Variants in UTRN observed in about 807,000 individuals in gnomAD.
UTRN encodes utrophin.
Under a neutral mutation model 463.9 loss-of-function variants are expected in UTRN, and 283 were observed. That is an observed-to-expected ratio of 0.61 (90% CI 0.55 to 0.67). The LOEUF (loss-of-function observed/expected upper bound fraction) is 0.67, where lower values mean the gene tolerates loss of function less well. Among genes scored for constraint, UTRN ranks in the 30% least tolerant of loss-of-function variants. UTRN has a pLI of 0.00. For missense variants in UTRN, 3,922 were observed against 4,084.3 expected, an observed-to-expected ratio of 0.96 and a Z score of 1.08; for synonymous variants, 1,442 against 1,431.5, an observed-to-expected ratio of 1.01 and a Z score of -0.17.
intron 1 of UTRN, among the ~76,000 whole-genome samples, chr6:144,288,804 C>T (rs1803935715): frequency 1.4e-5 from 2 of 143,980 alleles, no homozygotes; most frequent in Admixed American, 7.2e-5. Context: ...ACTCGGTCGT[C>T]AAGGCTGGAG....
intron 50 of UTRN, among the ~76,000 whole-genome samples, chr6:144,570,414 G>GA (rs1265094373): frequency 2.2e-4 from 33 of 152,172 alleles, no homozygotes; most frequent in Non-Finnish European, 4.4e-5. Flanking sequence ...TCAGATGATG[G>GA]AAAACCTGTG....
At chr6:144,578,354 TTTG>T (rs541379138) in intron 51 of UTRN, among the ~76,000 whole-genome samples, 29 of 152,184 alleles carry the variant, frequency 1.9e-4, no homozygotes, top group Middle Eastern at 3.4e-3. Flanking sequence ...TCCATTGTCT[TTTG>T]TTGTTGTTGT....
intron 28 of UTRN, among the ~76,000 whole-genome samples, chr6:144,486,067 T>C (rs4895644): frequency 1 from 151,750 of 152,348 alleles, 75,578 homozygotes; most frequent in Middle Eastern, 1. Context: ...GTGTAGCACA[T>C]GTTAACTTAA....
chr6:144,444,180 A>G (rs1787437087), intron 13 of UTRN, 101 bp from the exon 14 acceptor site: 1 of 926,108 alleles, frequency 1.1e-6, no homozygotes, highest in Non-Finnish European at 1.6e-6. Context: ...ATAAGTTGTT[A>G]TTCTATAATA....
chr6:144,490,075 T>C lies in UTRN; in HGVS notation c.4139T>C (p.Ile1380Thr). The C allele has an allele frequency of 1.2e-6, 2 of 1,607,214 alleles. No homozygotes were observed. Among genetic ancestry groups the C allele is most frequent in the Non-Finnish European group, 1.7e-6 (2 of 1,177,990 alleles). Residue 1380 changes from isoleucine to threonine, a missense_variant, in exon 31 of 75, where the codon ATC (isoleucine) becomes ACC (threonine). Transcript: ENST00000367545. ...CCCTTTCCAATCTCTTTTTAGAAAA[T>C]CCAAGCAGAGATCTCAGCCCATGAG... The part of the protein sequence containing the change: ...AFQVPQEAQK[I>T]QAEISAHELT...
At chr6:144,501,701 G>T (rs1049567182) in intron 34 of UTRN, among the ~76,000 whole-genome samples, 7 of 151,832 alleles carry the variant, frequency 4.6e-5, no homozygotes, top group Admixed American at 4.6e-4. Flanking sequence ...TAACGCTATG[G>T]TGAATATATT....
intron 29 of UTRN, 105 bp downstream of exon 29, chr6:144,487,802 G>T: frequency 8.7e-7 from 1 of 1,153,596 alleles, no homozygotes; most frequent in Non-Finnish European, 1.2e-6. Flanking sequence ...CTTTAATGTT[G>T]GTTAAAGTTG....
chr6:144,826,954 A>T (rs1430574466), intron 66 of UTRN, among the ~76,000 whole-genome samples: 1 of 152,146 alleles, frequency 6.6e-6, no homozygotes, highest in Admixed American at 6.6e-5. Flanking sequence ...TCATCTTTCT[A>T]ACCAAGTTTC....
chr6:144,742,019 G>A (rs1455807052), intron 54 of UTRN, among the ~76,000 whole-genome samples: 6 of 151,802 alleles, frequency 4.0e-5, no homozygotes, highest in Non-Finnish European at 8.8e-5. Flanking sequence ...TTTGTGGAAG[G>A]TAGTCCCTAA....
At chr6:144,663,538 G>C (rs1780093199) in intron 51 of UTRN, among the ~76,000 whole-genome samples, 1 of 152,166 alleles carries the variant, frequency 6.6e-6, no homozygotes, top group Non-Finnish European at 1.5e-5. Flanking sequence ...ACAGAGGATA[G>C]TGTAATGGCC....
At chr6:144,774,632 C>T (rs1775154979) in intron 60 of UTRN, among the ~76,000 whole-genome samples, 1 of 152,042 alleles carries the variant, frequency 6.6e-6, no homozygotes, top group South Asian at 2.1e-4. Context: ...AATTGTGCTG[C>T]CACCCAATTT....
chr6:144,641,816 T>C (rs1777801980), intron 51 of UTRN, among the ~76,000 whole-genome samples: 1 of 152,212 alleles, frequency 6.6e-6, no homozygotes. Flanking sequence ...CCGAATAATA[T>C]TGCCATGAAT....
chr6:144,717,801 A>C (rs1047952553), intron 53 of UTRN, among the ~76,000 whole-genome samples: 1 of 151,022 alleles, frequency 6.6e-6, no homozygotes, highest in Non-Finnish European at 1.5e-5. Context: ...ACACCCAGCT[A>C]ATTTTTGTAT....
intron 53 of UTRN, among the ~76,000 whole-genome samples, chr6:144,726,842 T>C (rs1787929863): frequency 6.6e-6 from 1 of 152,016 alleles, no homozygotes; most frequent in African/African-American, 2.4e-5. Context: ...ATTGTGAGAG[T>C]CTCCATGTTA....
intron 53 of UTRN, among the ~76,000 whole-genome samples, chr6:144,700,526 G>A (rs906092629): frequency 1.3e-5 from 2 of 151,904 alleles, no homozygotes; most frequent in African/African-American, 2.4e-5. Flanking sequence ...ATAGGTTTTA[G>A]AATCATAATA....
intron 51 of UTRN, among the ~76,000 whole-genome samples, chr6:144,584,969 A>G (rs982638734): frequency 5.3e-5 from 8 of 152,258 alleles, no homozygotes; most frequent in African/African-American, 1.9e-4. Context: ...TTTAACTACC[A>G]GTATGAATGT....
intron 2 of UTRN, among the ~76,000 whole-genome samples, chr6:144,384,279 C>A (rs1190525276): frequency 1.3e-5 from 2 of 152,044 alleles, no homozygotes; most frequent in Non-Finnish European, 2.9e-5. Context: ...AGGGGGTGAG[C>A]GGTGGGTAAT....
At chr6:144,420,259 TACAAG>T (rs1269945809) in intron 3 of UTRN, among the ~76,000 whole-genome samples, 1 of 152,238 alleles carries the variant, frequency 6.6e-6, no homozygotes, top group African/African-American at 2.4e-5. Flanking sequence ...AGTAATTCGA[TACAAG>T]ATAATACAAC....
chr6:144,438,666 T>A, intron 11 of UTRN, 79 bp from the exon 12 acceptor site: 2 of 1,565,256 alleles, frequency 1.3e-6, no homozygotes, highest in Non-Finnish European at 1.7e-6. Flanking sequence ...TTGCCCTGTA[T>A]CTCCGGTGCC....
Sources: allele counts gnomAD v4.1 joint callset (sites outside exome capture counted in the v4.1 genomes callset), GRCh38; gene constraint gnomAD v4.1.1; transcripts MANE v1.5; gene names NCBI Gene and HGNC (gene_info 2026-07-23, HGNC 2026-07-21).